Variants in FBP1 observed in about 807,000 individuals in gnomAD.
FBP1 encodes fructose-bisphosphatase 1, also known as fructose-1,6-bisphosphatase 1.
A neutral mutation model predicts 29.9 loss-of-function variants in FBP1; 22 were observed. The ratio of observed to expected loss-of-function variants is 0.74; its 90% confidence interval spans 0.53 to 1.05. The LOEUF (loss-of-function observed/expected upper bound fraction) is 1.05. FBP1 is among the 50% of genes least tolerant of loss of function. The probability of loss-of-function intolerance (pLI) is 0.00; values close to 1 mark genes in which losing one functional copy is unlikely to be tolerated. For missense variants in FBP1, 345 were observed against 448.2 expected (o/e 0.77, Z 2.08); for synonymous variants, 175 against 178.6 (o/e 0.98, Z 0.16).
chr9:94,616,495 C>T (rs1391451938), intron 3 of FBP1, among the ~76,000 whole-genome samples: 1 of 119,214 alleles, frequency 8.4e-6, no homozygotes, highest in Non-Finnish European at 1.8e-5. Flanking sequence ...GGCTGGAGTG[C>T]AGTGGTGTGA....
chr9:94,619,874 CAAAAA>C (rs56722632), intron 2 of FBP1, among the ~76,000 whole-genome samples: 27 of 99,182 alleles, frequency 2.7e-4, no homozygotes, highest in African/African-American at 1.2e-3. Flanking sequence ...AACACTGTCT[CAAAAA>C]AAAAAAAAAA....
At position 94,639,235 on chromosome 9, in the gene FBP1, G is replaced by A. The variant is rs1314518447; in HGVS notation, c.76C>T (p.Arg26Cys). ...RFVMEEGRKARGTGELTQLLN... is the reference protein window; with the variant it reads ...RFVMEEGRKACGTGELTQLLN... Reference sequence around the variant, plus strand: ...AGCTGGGTCAACTCGCCCGTGCCGCGGGCCTTCCTGCCCTCCTCCATGACG... The same window carrying A: ...AGCTGGGTCAACTCGCCCGTGCCGCAGGCCTTCCTGCCCTCCTCCATGACG... The change falls in exon 1 of 7, where the codon CGC (arginine) becomes TGC (cysteine). Residue 26 changes from arginine (R) to cysteine (C), a missense_variant. Physicochemically the swap from Arg to Cys is radical, Grantham distance 180. Transcript: ENST00000375326. 5 of 1,601,380 alleles carry A rather than the reference G, an allele frequency of 3.1e-6. No homozygotes were observed. The highest frequency in any genetic ancestry group is 4.3e-6 in the Non-Finnish European group (5 of 1,174,318).
chr9:94,636,064 T>C (rs1314914113), intron 1 of FBP1, among the ~76,000 whole-genome samples: 1 of 152,152 alleles, frequency 6.6e-6, no homozygotes, highest in East Asian at 1.9e-4. Context: ...GGATACCCCA[T>C]GGGATATATA....
chr9:94,620,502 C>T lies in FBP1; in HGVS notation c.171-11G>A, dbSNP rs202042013. ...CCAGCAATGCCATAGCTACAGGGAA[C>T]AAAAGCCACAAAAAATAAGCCATGA... On this transcript the variant is annotated splice_polypyrimidine_tract_variant and intron_variant, in intron 1 of 6. Coordinates refer to ENST00000375326, the MANE Select transcript of FBP1 (RefSeq NM_000507.4). 5.0e-6 allele frequency: 8 copies of T among 1,613,288 alleles called. No homozygotes were observed. The highest frequency in any genetic ancestry group is 6.8e-6 in the Non-Finnish European group (8 of 1,179,718).
At chr9:94,621,009 C>G (rs28745270) in intron 1 of FBP1, among the ~76,000 whole-genome samples, 5 of 151,670 alleles carry the variant, frequency 3.3e-5, no homozygotes, top group African/African-American at 1.2e-4. Flanking sequence ...GTCAGGGGAT[C>G]GAGACCATCC....
intron 2 of FBP1, among the ~76,000 whole-genome samples, chr9:94,618,598 CTG>C (rs1196469445): frequency 1.3e-5 from 2 of 151,850 alleles, no homozygotes; most frequent in African/African-American, 2.4e-5. Context: ...TGAGCCATGA[CTG>C]TGCACTCCAG....
At chr9:94,604,310 G>T (rs1002797760) in intron 6 of FBP1, among the ~76,000 whole-genome samples, 1 of 152,112 alleles carries the variant, frequency 6.6e-6, no homozygotes, top group Non-Finnish European at 1.5e-5. Flanking sequence ...GAAAAGTGCT[G>T]GAAAGCAGGC....
intron 1 of FBP1, among the ~76,000 whole-genome samples, chr9:94,636,510 C>T (rs16910850): frequency 0.11 from 16,180 of 151,744 alleles, 1,058 homozygotes; most frequent in East Asian, 0.24. Flanking sequence ...GCATACCTTA[C>T]GTAGCCAAAA....
intron 1 of FBP1, among the ~76,000 whole-genome samples, chr9:94,621,375 G>A (rs927519176): frequency 1.3e-3 from 194 of 144,780 alleles, no homozygotes; most frequent in Non-Finnish European, 2.2e-3. Flanking sequence ...CAGCCTGGGC[G>A]ACAGAGCAAG....
At chr9:94,611,281 G>T (rs751151699) in intron 3 of FBP1, among the ~76,000 whole-genome samples, 1 of 152,130 alleles carries the variant, frequency 6.6e-6, no homozygotes, top group Non-Finnish European at 1.5e-5. Flanking sequence ...GCAATTTCTC[G>T]AACTTCACTT....
intron 1 of FBP1, among the ~76,000 whole-genome samples, chr9:94,631,078 G>T (rs1828098546): frequency 6.6e-6 from 1 of 152,166 alleles, no homozygotes; most frequent in African/African-American, 2.4e-5. Flanking sequence ...AAATCTCACT[G>T]GGAATATTAT....
intron 4 of FBP1, 90 bp from the exon 5 acceptor site, chr9:94,607,042 T>G: frequency 6.4e-7 from 1 of 1,571,350 alleles, no homozygotes; most frequent in Non-Finnish European, 8.7e-7. Context: ...TGGGCTACGC[T>G]GGGCTGGGGT....
intron 4 of FBP1, 87 bp from the exon 5 acceptor site, chr9:94,607,039 C>T (rs1040153400): frequency 1.2e-5 from 19 of 1,582,680 alleles, no homozygotes; most frequent in African/African-American, 2.7e-5. Context: ...GGCTGGGCTA[C>T]GCTGGGCTGG....
chr9:94,612,772 G>A (rs1420605753), intron 3 of FBP1, among the ~76,000 whole-genome samples: 4 of 151,732 alleles, frequency 2.6e-5, no homozygotes, highest in Non-Finnish European at 5.9e-5. Context: ...TGTTGGCCAA[G>A]ATGGTCTCGA....
At chr9:94,637,225 G>T (rs1053379767) in intron 1 of FBP1, among the ~76,000 whole-genome samples, 1 of 152,094 alleles carries the variant, frequency 6.6e-6, no homozygotes, top group Non-Finnish European at 1.5e-5. Context: ...TCCTTTACAT[G>T]AATTACCTCC....
rs895443716 is a variant in FBP1, at chr9:94,611,538, A to G, written c.427-1477T>C. ...GAGGCTAAGGTAGGAGGATCATTTG[A>G]GGCAAGGAGTTTGAGACCAGTTTGT... is the stretch of plus-strand genomic sequence containing the variant. On this transcript the variant is annotated intron_variant, in intron 3 of 6. Transcript: ENST00000375326. Among the ~76,000 whole-genome samples, 4 of 151,996 alleles carry G rather than the reference A, an allele frequency of 2.6e-5. No homozygotes were observed. In the East Asian group the frequency reaches 7.7e-4, roughly 29 times the overall value.
At chr9:94,629,284 GT>G (rs767581052) in intron 1 of FBP1, among the ~76,000 whole-genome samples, 2 of 151,958 alleles carry the variant, frequency 1.3e-5, no homozygotes, top group South Asian at 2.1e-4. Context: ...CTGGCCAAAG[GT>G]TTTTTTTAAT....
chr9:94,621,921 G>C lies in FBP1; in HGVS notation c.171-1430C>G, dbSNP rs529222182. Among the ~76,000 whole-genome samples the C allele has an allele frequency of 1.8e-3, 273 of 152,226 alleles. 1 individual carries two copies. Among genetic ancestry groups the C allele is most frequent in the African/African-American group, 6.3e-3 (262 of 41,526 alleles). The stretch of plus-strand genomic sequence containing the variant: ...GGCCCCTCTGCCTCATTTCATAGAG[G>C]AGAAAACTCAGACCCAAGACTCCTG... On this transcript the variant is annotated intron_variant, in intron 1 of 6. Transcript: ENST00000375326.
At chr9:94,610,770 G>C (rs1827771828) in intron 3 of FBP1, among the ~76,000 whole-genome samples, 1 of 152,144 alleles carries the variant, frequency 6.6e-6, no homozygotes, top group South Asian at 2.1e-4. Context: ...ACAGCCCACT[G>C]GGTCATGTGG....
Sources: gnomAD v4.1 joint callset for allele counts (sites outside exome capture counted in the v4.1 genomes callset) on GRCh38, gnomAD v4.1.1 for gene constraint, MANE v1.5 for transcripts, NCBI Gene and HGNC (gene_info 2026-07-23, HGNC 2026-07-21) for gene names.